The following TP53BP1 variants were observed in gnomAD, a reference collection of about 807,000 sequenced individuals.
TP53BP1 encodes tumor protein p53 binding protein 1, also known as TP53-binding protein 1.
TP53BP1 carries 61 observed loss-of-function variants against 200.8 expected under a neutral mutation model. That is an observed-to-expected ratio of 0.30 (90% CI 0.25 to 0.38). TP53BP1 has a LOEUF of 0.38. Among genes scored for constraint, TP53BP1 ranks in the 10% least tolerant of loss-of-function variants. TP53BP1 has a pLI of 1.00. For synonymous variants in TP53BP1, 822 were observed against 844.3 expected, an observed-to-expected ratio of 0.97 and a Z score of 0.46; for missense variants, 2,144 against 2,371.9, an observed-to-expected ratio of 0.90 and a Z score of 2.00.
At chr15:43,442,519 A>ACAGAGT (rs1313665835) in intron 14 of TP53BP1, among the ~76,000 whole-genome samples, 3 of 150,348 alleles carry the variant, frequency 2.0e-5, no homozygotes, top group Non-Finnish European at 4.4e-5. Context: ...TTTTTTGGAG[A>ACAGAGT]CAGAGTCTTA....
chr15:43,452,890 G>C (rs1233354458), intron 12 of TP53BP1, among the ~76,000 whole-genome samples: 1 of 152,074 alleles, frequency 6.6e-6, no homozygotes, highest in African/African-American at 2.4e-5. Flanking sequence ...AGCTTCTTTT[G>C]CATTTAATTT....
intron 18 of TP53BP1, among the ~76,000 whole-genome samples, chr15:43,426,245 G>A (rs1374036571): frequency 2.6e-5 from 4 of 151,474 alleles, no homozygotes; most frequent in Non-Finnish European, 5.9e-5. Flanking sequence ...TTTGAGACCA[G>A]CCTGGCCAAC....
At chr15:43,476,720 T>C (rs1488459347) in intron 8 of TP53BP1, among the ~76,000 whole-genome samples, 2 of 152,228 alleles carry the variant, frequency 1.3e-5, no homozygotes, top group Non-Finnish European at 2.9e-5. Context: ...CAAAGGAAGA[T>C]AGCCTTCTTC....
chr15:43,482,085 T>C lies in TP53BP1; in HGVS notation c.372-1063A>G, dbSNP rs549480814. Reference sequence around the variant, plus strand: ...TACTAAAAAATACAAAAAAATTAGCTGGGCGTGGTGGCAGGTGCCTGTAGT... The same window carrying C: ...TACTAAAAAATACAAAAAAATTAGCCGGGCGTGGTGGCAGGTGCCTGTAGT... On this transcript the variant is annotated intron_variant, in intron 4 of 27. Transcript: ENST00000382044. Among the ~76,000 whole-genome samples the C allele has an allele frequency of 7.9e-5, 12 of 151,294 alleles. No individual in the cohort carries two copies. In the South Asian group the frequency reaches 2.5e-3, roughly 32 times the overall value.
intron 1 of TP53BP1, among the ~76,000 whole-genome samples, chr15:43,506,608 A>G (rs903809884): frequency 2.6e-5 from 4 of 152,204 alleles, no homozygotes; most frequent in African/African-American, 9.6e-5. Context: ...GTGTGCCACT[A>G]TATCTGCCAA....
intron 24 of TP53BP1, 37 bp downstream of exon 24, chr15:43,413,082 T>C (rs760055349): frequency 5.0e-6 from 8 of 1,600,930 alleles, no homozygotes; most frequent in South Asian, 4.4e-5. Context: ...AAGAAGTGCC[T>C]ATGTGTCAGA....
chr15:43,447,089 T>C (rs2046059409), intron 13 of TP53BP1: 3 of 460,338 alleles, frequency 6.5e-6, no homozygotes, highest in Non-Finnish European at 1.2e-5. Flanking sequence ...CATCACTACT[T>C]AGCACTCAGA....
intron 11 of TP53BP1, among the ~76,000 whole-genome samples, chr15:43,461,288 T>C (rs1361184786): frequency 6.6e-6 from 1 of 152,018 alleles, no homozygotes; most frequent in African/African-American, 2.4e-5. Context: ...AATGCGATCA[T>C]GGCTCACTGC....
chr15:43,441,503 A>G, intron 15 of TP53BP1, 23 bp downstream of exon 15: 1 of 1,570,374 alleles, frequency 6.4e-7, no homozygotes, highest in Non-Finnish European at 8.8e-7. Context: ...ATTAAACTCT[A>G]AATAGCATCC....
chr15:43,420,731 T>G lies in TP53BP1; in HGVS notation c.4255A>C (p.Thr1419Pro), dbSNP rs1455213960. 1 of 1,612,506 alleles carries G rather than the reference T, an allele frequency of 6.2e-7. No homozygotes were observed. The highest frequency in any genetic ancestry group is 1.3e-5 in the African/African-American group (1 of 74,994). Residue 1419 changes from threonine to proline, a missense_variant, in exon 21 of 28, where the codon ACA becomes CCA. Coordinates refer to ENST00000382044, the MANE Select transcript of TP53BP1 (RefSeq NM_001141980.3). ...PPSRTTGTRE[T>P]AVPGPLGIED... ...ATGCCCAAGGGGCCAGGCACAGCTG[T>G]TTCTCTAAAGAGAGATAGGGGATAG...
Position 43,405,436 on chromosome 15 carries a change from C to G in TP53BP1, c.*1947G>C. 1 of 595,998 alleles carries G rather than the reference C, an allele frequency of 1.7e-6. No individual in the cohort carries two copies. The highest frequency in any genetic ancestry group is 3.0e-6 in the Non-Finnish European group (1 of 335,046). The allele number at this position is 595,998 out of a possible 1,614,324, so 36.9% of individuals were successfully genotyped here. ...CCATCAAGGAGAACATGTGGCATCT[C>G]TGATCCTTTACATTGAGAACATTTG... On this transcript the variant is annotated 3_prime_UTR_variant, in exon 28 of 28. Coordinates refer to ENST00000382044, the MANE Select transcript of TP53BP1 (RefSeq NM_001141980.3).
intron 17 of TP53BP1, among the ~76,000 whole-genome samples, chr15:43,430,317 C>G (rs551742756): frequency 1.3e-5 from 2 of 152,202 alleles, no homozygotes; most frequent in Non-Finnish European, 2.9e-5. Context: ...ACCTGGAAAA[C>G]TTGCATACAG....
At chr15:43,507,962 G>A (rs562687997) in intron 1 of TP53BP1, among the ~76,000 whole-genome samples, 4 of 152,228 alleles carry the variant, frequency 2.6e-5, no homozygotes, top group Admixed American at 6.5e-5. Flanking sequence ...CAATCCACCC[G>A]CCTCAGTCTC....
intron 1 of TP53BP1, among the ~76,000 whole-genome samples, chr15:43,500,866 C>T (rs950350605): frequency 2.0e-5 from 3 of 151,634 alleles, no homozygotes; most frequent in Admixed American, 6.6e-5. Flanking sequence ...CATAAGAACA[C>T]CGTCAACACA....
intron 12 of TP53BP1, among the ~76,000 whole-genome samples, chr15:43,452,270 A>G (rs2046188567): frequency 6.6e-6 from 1 of 151,960 alleles, no homozygotes; most frequent in Non-Finnish European, 1.5e-5. Flanking sequence ...TCTAAGTTAA[A>G]AACTATTGTT....
intron 14 of TP53BP1, among the ~76,000 whole-genome samples, chr15:43,442,368 G>A (rs1007919921): frequency 3.3e-5 from 5 of 152,092 alleles, no homozygotes; most frequent in Non-Finnish European, 7.4e-5. Flanking sequence ...TTACAGGCAA[G>A]AGCCACTGTG....
At chr15:43,477,896 A>G in intron 7 of TP53BP1, 137 bp from the exon 8 acceptor site, 1 of 625,900 alleles carries the variant, frequency 1.6e-6, no homozygotes, top group Non-Finnish European at 2.6e-6. Flanking sequence ...TTATATATTA[A>G]AAAGGAAATA....
intron 10 of TP53BP1, among the ~76,000 whole-genome samples, chr15:43,470,784 C>G (rs1179514603): frequency 6.6e-6 from 1 of 152,142 alleles, no homozygotes; most frequent in East Asian, 1.9e-4. Flanking sequence ...TCATTTGTAT[C>G]CCCTATCTTA....
chr15:43,455,902 T>C lies in TP53BP1; in HGVS notation c.2706A>G (p.Glu902=). 6.2e-7 allele frequency: 1 copy of C among 1,614,042 alleles called. No homozygotes were observed. Among genetic ancestry groups the C allele is most frequent in the Non-Finnish European group, 8.5e-7 (1 of 1,180,002 alleles). The part of the protein sequence containing the change: ...PSAHASQSFC[E]SSSETPFHFT... Reference sequence around the variant, plus strand: ...TACAATCACACTCACCACTAGAACTTTCACAGAAGCTTTGTGAGGCATGGG... The same window carrying C: ...TACAATCACACTCACCACTAGAACTCTCACAGAAGCTTTGTGAGGCATGGG... The change falls in exon 12 of 28, where the codon GAA becomes GAG. Residue 902 remains glutamate (E), a synonymous_variant. Coordinates refer to ENST00000382044, the MANE Select transcript of TP53BP1 (RefSeq NM_001141980.3).
Sources: allele counts gnomAD v4.1 joint callset (sites outside exome capture counted in the v4.1 genomes callset), GRCh38; gene constraint gnomAD v4.1.1; transcripts MANE v1.5; gene names NCBI Gene and HGNC (gene_info 2026-07-23, HGNC 2026-07-21).